Variants in HACE1 observed in about 807,000 individuals in gnomAD.
HACE1 encodes E3 ubiquitin-protein ligase HACE1.
HACE1 carries 73 observed loss-of-function variants against 118.4 expected under a neutral mutation model. The observed-to-expected ratio is 0.62, with a 90% CI of 0.51 to 0.75. HACE1 has a LOEUF of 0.75. Ranked by LOEUF, HACE1 falls within the 30% of genes least tolerant of loss-of-function variation. The probability of loss-of-function intolerance (pLI) is 0.00; values close to 1 mark genes in which losing one functional copy is unlikely to be tolerated. For synonymous variants in HACE1, 368 were observed against 374.8 expected, an observed-to-expected ratio of 0.98 and a Z score of 0.21; for missense variants, 749 against 1,102.2, an observed-to-expected ratio of 0.68 and a Z score of 4.54.
chr6:104,859,631 C>A lies in HACE1; in HGVS notation c.12G>T (p.Ala4=). 1 of 1,533,570 alleles carries A rather than the reference C, an allele frequency of 6.5e-7. No homozygotes were observed. The highest frequency in any genetic ancestry group is 8.7e-7 in the Non-Finnish European group (1 of 1,143,362). The allele number at this position is 1,533,570 out of a possible 1,614,324, so 95.0% of individuals were successfully genotyped here. A position where few individuals can be genotyped will look rare whatever the true frequency, so the allele number is the denominator to read the frequency against. Residue 4 remains alanine (A), a synonymous_variant, in exon 1 of 24, where the codon GCG becomes GCT. Transcript: ENST00000262903. MER[A]MEQLNRLTRS... is the part of the protein sequence containing the mutation. ...GCGTCAGGCGGTTGAGTTGCTCCAT[C>A]GCTCTCTCCATCCTCGGCGCGCCCT... is the stretch of plus-strand genomic sequence containing the variant.
chr6:104,732,332 TTATTATTTAGCCAAGGGAG>T (rs1239776541), intron 22 of HACE1: 1 of 152,174 alleles, frequency 6.6e-6, no homozygotes, highest in East Asian at 1.9e-4. Flanking sequence ...GATGGCTGGA[TTATTATTTAGCCAAGGGAG>T]TATTATTTAG....
At chr6:104,837,656 A>G (rs1582717822) in intron 5 of HACE1, among the ~76,000 whole-genome samples, 1 of 152,310 alleles carries the variant, frequency 6.6e-6, no homozygotes, top group African/African-American at 2.4e-5. Context: ...AAGTTAAAAA[A>G]CTTTTGCTCT....
At chr6:104,764,545 T>C (rs1451353087) in intron 19 of HACE1, among the ~76,000 whole-genome samples, 2 of 152,230 alleles carry the variant, frequency 1.3e-5, no homozygotes, top group Non-Finnish European at 1.5e-5. Context: ...TTTGATTTTA[T>C]AAACTAACAT....
At chr6:104,816,008 G>C (rs1460311225) in intron 6 of HACE1, among the ~76,000 whole-genome samples, 1 of 151,546 alleles carries the variant, frequency 6.6e-6, no homozygotes, top group Admixed American at 6.6e-5. Flanking sequence ...AGGAGGCGGA[G>C]ATTGCAGTGA....
chr6:104,826,559 T>C (rs763382378), intron 6 of HACE1, among the ~76,000 whole-genome samples: 77 of 152,354 alleles, frequency 5.1e-4, no homozygotes, highest in Non-Finnish European at 7.5e-4. Context: ...TTTACAATGA[T>C]GGTCATACCT....
At chr6:104,749,289 C>T (rs1014234570) in intron 20 of HACE1, among the ~76,000 whole-genome samples, 4 of 152,008 alleles carry the variant, frequency 2.6e-5, no homozygotes, top group African/African-American at 9.7e-5. Context: ...TCTATTGTTA[C>T]ATAAAAACTA....
At chr6:104,757,901 C>T (rs1298879066) in intron 19 of HACE1, among the ~76,000 whole-genome samples, 1 of 152,034 alleles carries the variant, frequency 6.6e-6, no homozygotes. Flanking sequence ...ATGAAGCATA[C>T]ATAAGCTCCA....
chr6:104,747,021 G>A (rs1777505389), intron 20 of HACE1, among the ~76,000 whole-genome samples: 2 of 151,108 alleles, frequency 1.3e-5, no homozygotes, highest in Non-Finnish European at 3.0e-5. Flanking sequence ...AAAAAGAAAG[G>A]ATCTTTATTA....
chr6:104,789,941 T>C (rs746452761), intron 11 of HACE1, among the ~76,000 whole-genome samples: 2 of 152,002 alleles, frequency 1.3e-5, no homozygotes, highest in African/African-American at 2.4e-5. Context: ...AGGTCAATAA[T>C]GTAGATCAAA....
chr6:104,833,348 T>C (rs1202033193), intron 5 of HACE1, among the ~76,000 whole-genome samples, 175 bp from the exon 6 acceptor site: 1 of 152,256 alleles, frequency 6.6e-6, no homozygotes, highest in East Asian at 1.9e-4. Context: ...ATTTTTTTCC[T>C]TTTTTAAATT....
intron 1 of HACE1, among the ~76,000 whole-genome samples, chr6:104,856,932 T>C (rs954199732): frequency 3.9e-5 from 6 of 152,140 alleles, no homozygotes; most frequent in Non-Finnish European, 2.9e-5. Flanking sequence ...CAAACATCTA[T>C]AGTTTCAACC....
At chr6:104,730,270 TG>T in intron 23 of HACE1, 32 bp downstream of exon 23, 1 of 998,686 alleles carries the variant, frequency 1.0e-6, no homozygotes, top group Non-Finnish European at 1.6e-6. Context: ...CAAAACAATT[TG>T]TAAAGCATTT....
At chr6:104,789,416 A>C (rs2114825364) in intron 11 of HACE1, among the ~76,000 whole-genome samples, 1 of 152,244 alleles carries the variant, frequency 6.6e-6, no homozygotes, top group South Asian at 2.1e-4. Context: ...AATGAAACAA[A>C]GATACCAACA....
At chr6:104,859,247 G>A in intron 1 of HACE1, 1 of 334,446 alleles carries the variant, frequency 3.0e-6, no homozygotes, top group South Asian at 4.5e-5. Context: ...TCTGACTCCG[G>A]GTCTCGGGCC....
intron 14 of HACE1, among the ~76,000 whole-genome samples, chr6:104,781,004 T>C (rs1269503950): frequency 6.6e-6 from 1 of 152,206 alleles, no homozygotes; most frequent in Non-Finnish European, 1.5e-5. Context: ...TTGGCAAGAA[T>C]ACCACAGAAG....
At chr6:104,767,634 A>G (rs1780153990) in intron 19 of HACE1, among the ~76,000 whole-genome samples, 1 of 152,122 alleles carries the variant, frequency 6.6e-6, no homozygotes, top group Admixed American at 6.5e-5. Context: ...GTGGATGCAA[A>G]GTCTTTCAGA....
At chr6:104,760,499 T>C (rs1357145193) in intron 19 of HACE1, among the ~76,000 whole-genome samples, 1 of 152,188 alleles carries the variant, frequency 6.6e-6, no homozygotes, top group African/African-American at 2.4e-5. Context: ...CAACAGCCTT[T>C]CATGCTAAAA....
chr6:104,801,286 A>T (rs1192150486), intron 7 of HACE1, among the ~76,000 whole-genome samples: 1 of 152,194 alleles, frequency 6.6e-6, no homozygotes, highest in Non-Finnish European at 1.5e-5. Context: ...AAGTTGGAAA[A>T]CACTCTTTAG....
intron 20 of HACE1, among the ~76,000 whole-genome samples, chr6:104,745,570 A>G (rs1160114145): frequency 6.6e-6 from 1 of 151,326 alleles, no homozygotes; most frequent in East Asian, 1.9e-4. Flanking sequence ...CCTCCCAAGT[A>G]GCTAGGACTA....
Sources: allele counts gnomAD v4.1 joint callset (sites outside exome capture counted in the v4.1 genomes callset), GRCh38; gene constraint gnomAD v4.1.1; transcripts MANE v1.5; gene names NCBI Gene and HGNC (gene_info 2026-07-23, HGNC 2026-07-21).